The following RARB variants were observed in gnomAD, a reference collection of about 807,000 sequenced individuals.
RARB encodes the protein HBV-activated protein.
A neutral mutation model predicts 51.9 loss-of-function variants in RARB; 17 were observed. That is an observed-to-expected ratio of 0.33 (90% CI 0.22 to 0.49). The LOEUF is 0.49. Among genes scored for constraint, RARB ranks in the 20% least tolerant of loss-of-function variants. The probability of loss-of-function intolerance (pLI) is 0.99; values close to 1 mark genes in which losing one functional copy is unlikely to be tolerated. For missense variants in RARB, 369 were observed against 550.8 expected (o/e 0.67, Z 3.30); for synonymous variants, 215 against 195.4 (o/e 1.10, Z -0.84).
chr3:25,507,565 G>C (rs1333833987), intron 3 of RARB, among the ~76,000 whole-genome samples: 1 of 152,168 alleles, frequency 6.6e-6, no homozygotes, highest in African/African-American at 2.4e-5. Context: ...GAAGACATTA[G>C]ATCTTCTAGG....
At chr3:25,154,224 C>T (rs1325320564) in intron 4 of RARB, among the ~76,000 whole-genome samples, 1 of 152,122 alleles carries the variant, frequency 6.6e-6, no homozygotes, top group African/African-American at 2.4e-5. Flanking sequence ...TAGTATATAT[C>T]CACAGGCATT....
intron 1 of RARB, among the ~76,000 whole-genome samples, chr3:25,434,688 T>A (rs1424511062): frequency 6.6e-6 from 1 of 151,850 alleles, no homozygotes; most frequent in Non-Finnish European, 1.5e-5. Flanking sequence ...ACTACAGGCG[T>A]GTGCCACCAC....
intron 5 of RARB, among the ~76,000 whole-genome samples, chr3:25,221,212 A>G (rs1212637281): frequency 6.6e-6 from 1 of 152,214 alleles, no homozygotes; most frequent in Non-Finnish European, 1.5e-5. Context: ...CCAACACTGA[A>G]CATAAAATTC....
chr3:25,130,086 C>G (rs1162889486), intron 3 of RARB, among the ~76,000 whole-genome samples: 1 of 151,978 alleles, frequency 6.6e-6, no homozygotes, highest in Admixed American at 6.6e-5. Flanking sequence ...CAAAAATGTT[C>G]TTTTCATTTA....
At chr3:25,406,323 G>A (rs557882566) in intron 5 of RARB, among the ~76,000 whole-genome samples, 358 of 152,350 alleles carry the variant, frequency 2.3e-3, no homozygotes, top group Non-Finnish European at 3.4e-3. Flanking sequence ...ATCAGGGATT[G>A]TATTTGTCTG....
chr3:24,929,398 G>A (rs935675878), intron 2 of RARB, among the ~76,000 whole-genome samples: 10 of 152,060 alleles, frequency 6.6e-5, no homozygotes, highest in Non-Finnish European at 1.5e-4. Flanking sequence ...AAAAGTGACC[G>A]ATGATATTCA....
intron 2 of RARB, among the ~76,000 whole-genome samples, chr3:25,498,733 C>T (rs945301025): frequency 2.0e-5 from 3 of 152,092 alleles, no homozygotes; most frequent in African/African-American, 7.2e-5. Flanking sequence ...GAGGGGGTCA[C>T]CTTTGTCCAT....
intron 3 of RARB, among the ~76,000 whole-genome samples, chr3:25,532,606 T>C (rs934543086): frequency 6.6e-6 from 1 of 152,190 alleles, no homozygotes; most frequent in Non-Finnish European, 1.5e-5. Context: ...ATCTGCCATA[T>C]ATAATGTGGA....
chr3:24,981,826 G>A (rs909365010), intron 2 of RARB, among the ~76,000 whole-genome samples: 2 of 152,122 alleles, frequency 1.3e-5, no homozygotes, highest in Non-Finnish European at 2.9e-5. Context: ...GACAAACCAG[G>A]TACCTCAGTT....
chr3:25,125,718 C>T (rs933544700), intron 3 of RARB, among the ~76,000 whole-genome samples: 1 of 152,292 alleles, frequency 6.6e-6, no homozygotes, highest in Non-Finnish European at 1.5e-5. Context: ...ACTTCTCAAT[C>T]AGCAACTTTT....
chr3:24,865,824 G>A (rs569543455), intron 2 of RARB, among the ~76,000 whole-genome samples: 1 of 152,132 alleles, frequency 6.6e-6, no homozygotes, highest in Admixed American at 6.6e-5. Flanking sequence ...GCTACAGTGA[G>A]GTTATTGTGG....
intron 3 of RARB, among the ~76,000 whole-genome samples, chr3:25,101,723 G>A (rs1312152613): frequency 1.3e-5 from 2 of 151,254 alleles, no homozygotes; most frequent in African/African-American, 4.9e-5. Flanking sequence ...ATGCTTTGCA[G>A]TGGGATTGCT....
In RARB at chr3:24,829,354, G is replaced by A. The variant is rs867696094; in HGVS notation, c.-508G>A. Among the ~76,000 whole-genome samples, 74 of 152,132 alleles carry A rather than the reference G, an allele frequency of 4.9e-4. 2 individuals carry two copies. Among genetic ancestry groups the A allele is most frequent in the Middle Eastern group, 6.8e-3 (2 of 294 alleles). The stretch of plus-strand genomic sequence containing the variant: ...TCAGCGGCGGCGGCAGGGGCTGAGG[G>A]CACAGCCAGCGGGCGGCGCGCCGCG... On this transcript the variant is annotated 5_prime_UTR_variant, in exon 1 of 12. Coordinates refer to the RARB transcript ENST00000383772.
intron 5 of RARB, among the ~76,000 whole-genome samples, chr3:25,588,035 G>T (rs891227614): frequency 1.3e-5 from 2 of 152,240 alleles, no homozygotes; most frequent in African/African-American, 2.4e-5. Flanking sequence ...ACACAACAGA[G>T]AGCAAGACAG....
rs1161956011 is a variant in RARB at position 25,081,586 on chromosome 3, CATATATATATAT to C, written c.-328+21435_-328+21446del. Among the ~76,000 whole-genome samples, 192 of 19,620 alleles carry C rather than the reference CATATATATATAT, an allele frequency of 9.8e-3. 6 individuals are homozygous for C. The highest frequency in any genetic ancestry group is 0.056 in the Middle Eastern group (1 of 18). 12.9% of individuals were successfully genotyped at this position (19,620 alleles called of 152,430 possible). On this transcript the variant is annotated intron_variant, in intron 3 of 11. Coordinates refer to the RARB transcript ENST00000383772. ...CTTTTGCTAGTGTTTGCTTCATATACATATATATATATATATATATATATATATATATATATT... is the reference window on the plus strand; with the variant it reads ...CTTTTGCTAGTGTTTGCTTCATATACATATATATATATATATATATATATT...
At chr3:25,354,397 C>G (rs1705667840) in intron 5 of RARB, among the ~76,000 whole-genome samples, 1 of 152,034 alleles carries the variant, frequency 6.6e-6, no homozygotes, top group African/African-American at 2.4e-5. Context: ...CTGGAATTTC[C>G]TCTTGGGGGT....
At chr3:24,999,543 A>C (rs932791454) in intron 2 of RARB, among the ~76,000 whole-genome samples, 4 of 152,184 alleles carry the variant, frequency 2.6e-5, no homozygotes, top group African/African-American at 9.6e-5. Flanking sequence ...AACTTGTTTA[A>C]AGTCAGTAGT....
chr3:24,898,357 A>T (rs1248935910), intron 2 of RARB, among the ~76,000 whole-genome samples: 1 of 150,292 alleles, frequency 6.7e-6, no homozygotes, highest in Non-Finnish European at 1.5e-5. Flanking sequence ...AATAAATAGG[A>T]ATAAAATGAT....
intron 5 of RARB, among the ~76,000 whole-genome samples, chr3:25,215,038 A>G (rs1193397977): frequency 3.3e-5 from 5 of 152,230 alleles, no homozygotes; most frequent in African/African-American, 1.2e-4. Flanking sequence ...ATGAAGACAT[A>G]AAACACCTAT....
Sources: gnomAD v4.1 joint callset for allele counts (sites outside exome capture counted in the v4.1 genomes callset) on GRCh38, gnomAD v4.1.1 for gene constraint, MANE v1.5 for transcripts, NCBI Gene and HGNC (gene_info 2026-07-23, HGNC 2026-07-21) for gene names.